EYA1: variants seen among roughly 807,000 people sequenced by gnomAD.
EYA1 encodes the protein protein phosphatase EYA1.
A neutral mutation model predicts 82.0 loss-of-function variants in EYA1; 16 were observed. The ratio of observed to expected loss-of-function variants is 0.20; its 90% CI spans 0.13 to 0.30. EYA1 has a LOEUF of 0.30. Ranked by LOEUF, EYA1 falls within the 10% of genes least tolerant of loss-of-function variation. EYA1 has a pLI of 1.00. For missense variants in EYA1, 633 were observed against 730.7 expected (o/e 0.87, Z 1.54); for synonymous variants, 261 against 264.4 (o/e 0.99, Z 0.12).
intron 9 of EYA1, among the ~76,000 whole-genome samples, chr8:71,290,934 G>A (rs944705428): frequency 2.6e-5 from 4 of 152,080 alleles, no homozygotes; most frequent in Admixed American, 6.5e-5. Context: ...TTGTTTTGCC[G>A]ACAAATGTTT....
chr8:71,373,722 G>A (rs1027142575), intron 2 of EYA1, among the ~76,000 whole-genome samples: 4 of 152,046 alleles, frequency 2.6e-5, no homozygotes, highest in Non-Finnish European at 4.4e-5. Context: ...GGCATCACAC[G>A]TCCTGATTTC....
intron 2 of EYA1, among the ~76,000 whole-genome samples, chr8:71,444,002 A>T (rs1440187854): frequency 6.6e-6 from 1 of 152,204 alleles, no homozygotes; most frequent in African/African-American, 2.4e-5. Flanking sequence ...TGTGATCTGG[A>T]TTCCTGAATA....
rs745510388 is a variant in EYA1 at position 71,299,253 on chromosome 8, A to G, written c.640-20T>C. The stretch of plus-strand genomic sequence containing the variant: ...ATAGTCCTACCAAATCAAACCACAC[A>G]AGAATTGTCTGTCAAAATACTGCTG... On this transcript the variant is annotated intron_variant, in intron 8 of 17. Transcript: ENST00000340726. 6.2e-7 allele frequency: 1 copy of G among 1,612,136 alleles called. No individual in the cohort carries two copies. The highest frequency in any genetic ancestry group is 1.1e-5 in the South Asian group (1 of 91,046).
intron 1 of EYA1, among the ~76,000 whole-genome samples, chr8:71,543,212 C>T (rs1815290552): frequency 1.3e-5 from 2 of 152,028 alleles, no homozygotes; most frequent in South Asian, 4.1e-4. Flanking sequence ...AAAGATCTAC[C>T]ACCAAACACC....
In EYA1 at chr8:71,399,181, G is replaced by A. The variant is rs564325873; in HGVS notation, c.34-42670C>T. ...AGGGTGGGAGTGTCCTGATTTTCCC[G>A]GTACCGTCTGTCACGGCTTCCCTTT... On this transcript the variant is annotated intron_variant, in intron 2 of 18. Coordinates refer to the EYA1 transcript ENST00000643681. Among the ~76,000 whole-genome samples, 61 of 152,202 alleles carry A rather than the reference G, an allele frequency of 4.0e-4. No homozygotes were observed. The South Asian group carries it at 5.2e-3, about 13-fold the overall frequency.
chr8:71,447,875 G>A (rs1807015711), intron 2 of EYA1, among the ~76,000 whole-genome samples: 1 of 152,172 alleles, frequency 6.6e-6, no homozygotes, highest in Admixed American at 6.5e-5. Context: ...TGACTGATCA[G>A]GATGGAGGTT....
At chr8:71,488,543 G>A (rs941181967) in intron 2 of EYA1, among the ~76,000 whole-genome samples, 9 of 152,162 alleles carry the variant, frequency 5.9e-5, no homozygotes, top group East Asian at 1.9e-4. Flanking sequence ...CCGATCAGTC[G>A]TGCCAGAAGT....
At chr8:71,310,460 A>C (rs1042235007) in intron 7 of EYA1, among the ~76,000 whole-genome samples, 1 of 152,066 alleles carries the variant, frequency 6.6e-6, no homozygotes, top group Non-Finnish European at 1.5e-5. Flanking sequence ...TCCCCTCTAC[A>C]TGTCCATATG....
rs558002109 is a variant in EYA1 at position 71,303,560 on chromosome 8, G to C, written c.557-3840C>G. 4.6e-4 allele frequency among the ~76,000 whole-genome samples: 64 copies of C among 140,508 alleles called. 5 individuals carry two copies. The highest frequency in any genetic ancestry group is 1.6e-3 in the African/African-American group (62 of 39,960). 92.2% of individuals were successfully genotyped at this position (140,508 alleles called of 152,430 possible). A position where few individuals can be genotyped will look rare whatever the true frequency, so the allele number is the denominator to read the frequency against. ...GTACATACTAGAGAAGCAGGCTCAA[G>C]CAATATTAATTTTTCACGACCAGAA... On this transcript the variant is annotated intron_variant, in intron 7 of 17. Coordinates refer to ENST00000340726, the MANE Select transcript of EYA1 (RefSeq NM_000503.6).
rs117963123 is a variant in EYA1, at chr8:71,399,155, T to G, written c.34-42644A>C. On this transcript the variant is annotated intron_variant, in intron 2 of 18. Coordinates refer to the EYA1 transcript ENST00000643681. Reference sequence around the variant, plus strand: ...TAAGGCAGTTGGAAAACCGCAGTATTAGGGTGGGAGTGTCCTGATTTTCCC... The same window carrying G: ...TAAGGCAGTTGGAAAACCGCAGTATGAGGGTGGGAGTGTCCTGATTTTCCC... Among the ~76,000 whole-genome samples, 121 of 152,304 alleles carry G rather than the reference T, an allele frequency of 7.9e-4. 2 individuals carry two copies. In the East Asian group the frequency reaches 0.021, roughly 27 times the overall value.
intron 2 of EYA1, among the ~76,000 whole-genome samples, chr8:71,424,831 C>A (rs570358669): frequency 1.3e-5 from 2 of 152,026 alleles, no homozygotes; most frequent in East Asian, 1.9e-4. Context: ...TTCCTTCCTG[C>A]GGCTCTACGG....
intron 2 of EYA1, among the ~76,000 whole-genome samples, chr8:71,518,637 C>T (rs1009450037): frequency 6.6e-6 from 1 of 152,128 alleles, no homozygotes; most frequent in Non-Finnish European, 1.5e-5. Context: ...AGTTTTACAA[C>T]TTCAGCAATG....
chr8:71,357,990 A>C (rs1301117520), intron 1 of EYA1, among the ~76,000 whole-genome samples: 1 of 148,526 alleles, frequency 6.7e-6, no homozygotes, highest in Non-Finnish European at 1.5e-5. Context: ...TTTTTTCTCC[A>C]CTTTTATACA....
chr8:71,307,575 C>T (rs1820865491), intron 7 of EYA1, among the ~76,000 whole-genome samples: 1 of 152,168 alleles, frequency 6.6e-6, no homozygotes, highest in African/African-American at 2.4e-5. Context: ...AAATTCTGGA[C>T]CTGTAAGCAC....
chr8:71,391,525 T>G (rs999626002), intron 2 of EYA1, among the ~76,000 whole-genome samples: 4 of 152,248 alleles, frequency 2.6e-5, no homozygotes, highest in Admixed American at 2.0e-4. Context: ...GGATTATATC[T>G]TAGATATTTT....
At chr8:71,449,505 C>A (rs755079966) in intron 2 of EYA1, among the ~76,000 whole-genome samples, 3 of 152,176 alleles carry the variant, frequency 2.0e-5, no homozygotes, top group Non-Finnish European at 4.4e-5. Flanking sequence ...GATCTCAACA[C>A]TGGGCTTAAA....
chr8:71,525,099 G>A (rs1221158868), intron 2 of EYA1, among the ~76,000 whole-genome samples: 1 of 152,176 alleles, frequency 6.6e-6, no homozygotes, highest in African/African-American at 2.4e-5. Flanking sequence ...TCATTTTAGA[G>A]ATGAAGATGG....
In EYA1 at chr8:71,374,447, C is replaced by G. The variant is rs1181502197; in HGVS notation, c.34-17936G>C. Among the ~76,000 whole-genome samples, 5 of 152,108 alleles carry G rather than the reference C, an allele frequency of 3.3e-5. No individual in the cohort carries two copies. In the South Asian group the frequency reaches 6.2e-4, roughly 19 times the overall value. ...ACCACCATGAGATATCACCTTACAC[C>G]TGTTAGGACGTCCGTTACCAAAAAG... On this transcript the variant is annotated intron_variant, in intron 2 of 18. Transcript: ENST00000643681.
intron 2 of EYA1, among the ~76,000 whole-genome samples, chr8:71,372,299 AG>A (rs1376173371): frequency 6.6e-6 from 1 of 152,158 alleles, no homozygotes; most frequent in Non-Finnish European, 1.5e-5. Context: ...TCAAATTCCT[AG>A]ATGACAAATA....
Sources: gnomAD v4.1 joint callset for allele counts (sites outside exome capture counted in the v4.1 genomes callset) on GRCh38, gnomAD v4.1.1 for gene constraint, MANE v1.5 for transcripts, NCBI Gene and HGNC (gene_info 2026-07-23, HGNC 2026-07-21) for gene names.